Variants in CYB5R4 observed in about 807,000 individuals in gnomAD.
CYB5R4 encodes cytochrome b5 reductase 4.
Under a neutral mutation model 70.2 loss-of-function variants are expected in CYB5R4, and 55 were observed. The observed-to-expected ratio is 0.78, with a 90% CI of 0.63 to 0.98. CYB5R4 has a LOEUF of 0.98. CYB5R4 is among the 50% of genes least tolerant of loss of function. The pLI, the probability that CYB5R4 is intolerant of heterozygous loss-of-function variation, is 0.00. For synonymous variants in CYB5R4, 197 were observed against 199.5 expected (o/e 0.99, Z 0.11); for missense variants, 562 against 612.6 (o/e 0.92, Z 0.87).
intron 12 of CYB5R4, among the ~76,000 whole-genome samples, chr6:83,937,660 C>T (rs1338268591): frequency 1.3e-5 from 2 of 152,144 alleles, no homozygotes; most frequent in African/African-American, 4.8e-5. Context: ...GCTGGGATTA[C>T]AGGCACACAC....
intron 3 of CYB5R4, among the ~76,000 whole-genome samples, chr6:83,904,445 C>T (rs1177077281): frequency 6.6e-6 from 1 of 152,040 alleles, no homozygotes; most frequent in Non-Finnish European, 1.5e-5. Flanking sequence ...TGTTTTGTAG[C>T]CTAACATATG....
intron 2 of CYB5R4, among the ~76,000 whole-genome samples, chr6:83,872,835 G>C (rs2099457851): frequency 6.6e-6 from 1 of 152,196 alleles, no homozygotes; most frequent in Admixed American, 6.5e-5. Context: ...ACTGCATCCT[G>C]TAGCCTAGTG....
At chr6:83,874,893 GC>G (rs1473791182) in intron 2 of CYB5R4, among the ~76,000 whole-genome samples, 1 of 151,770 alleles carries the variant, frequency 6.6e-6, no homozygotes, top group Non-Finnish European at 1.5e-5. Context: ...CGCGATCTTG[GC>G]TCACTGCAAC....
At position 83,951,233 on chromosome 6, in the gene CYB5R4, A is replaced by G. The variant is rs571588166; in HGVS notation, c.1347-4065A>G. Among the ~76,000 whole-genome samples, 49 of 152,294 alleles carry G rather than the reference A, an allele frequency of 3.2e-4. 1 individual carries two copies. Among genetic ancestry groups the G allele is most frequent in the African/African-American group, 1.1e-3 (47 of 41,566 alleles). On this transcript the variant is annotated intron_variant, in intron 14 of 15. Transcript: ENST00000369681. ...TTGACATAGTGACTAGAAATTGTTC[A>G]ATACCTCTCTAACTATTCAGGATAA... is the stretch of plus-strand genomic sequence containing the variant.
At chr6:83,955,801 A>G (rs906731290) in intron 15 of CYB5R4, among the ~76,000 whole-genome samples, 1 of 152,160 alleles carries the variant, frequency 6.6e-6, no homozygotes, top group African/African-American at 2.4e-5. Flanking sequence ...AATATATAGT[A>G]ATTAATAAGG....
At chr6:83,913,222 A>G (rs551779899) in intron 4 of CYB5R4, among the ~76,000 whole-genome samples, 32 of 152,332 alleles carry the variant, frequency 2.1e-4, no homozygotes, top group African/African-American at 7.5e-4. Flanking sequence ...GACATCAGTG[A>G]TCCTTTGCAA....
chr6:83,903,876 G>A (rs1481085614), intron 3 of CYB5R4, among the ~76,000 whole-genome samples: 2 of 151,810 alleles, frequency 1.3e-5, no homozygotes, highest in Non-Finnish European at 2.9e-5. Context: ...TATTTCTTTG[G>A]TATCAGTTGT....
At chr6:83,892,169 C>T (rs941135758) in intron 2 of CYB5R4, among the ~76,000 whole-genome samples, 5 of 152,100 alleles carry the variant, frequency 3.3e-5, no homozygotes, top group African/African-American at 1.2e-4. Flanking sequence ...TTTGTTCAGA[C>T]TTATTTGGAA....
intron 2 of CYB5R4, among the ~76,000 whole-genome samples, chr6:83,892,698 G>A (rs984655681): frequency 2.6e-5 from 4 of 152,172 alleles, no homozygotes; most frequent in South Asian, 2.1e-4. Context: ...TTCACAGAGC[G>A]TGCCTAAGTG....
chr6:83,872,100 C>T (rs2099457733), intron 2 of CYB5R4, among the ~76,000 whole-genome samples: 1 of 152,114 alleles, frequency 6.6e-6, no homozygotes, highest in Admixed American at 6.5e-5. Context: ...TGCAGTAACT[C>T]TCATTATATT....
In CYB5R4 at chr6:83,859,700, C is replaced by A. The variant is rs1183466820; in HGVS notation, c.-83C>A. 6.7e-7 allele frequency: 1 copy of A among 1,498,080 alleles called. No individual in the cohort carries two copies. Among genetic ancestry groups the A allele is most frequent in the South Asian group, 1.2e-5 (1 of 85,974 alleles). The allele number at this position is 1,498,080 out of a possible 1,614,324, so 92.8% of individuals were successfully genotyped here. A position where few individuals can be genotyped will look rare whatever the true frequency, so the allele number is the denominator to read the frequency against. Reference sequence around the variant, plus strand: ...CGGAAGTGGGTCGGGGGCTTGGCCTCTGCCCGGCCACAGAGCCGGAGCTGG... The same window carrying A: ...CGGAAGTGGGTCGGGGGCTTGGCCTATGCCCGGCCACAGAGCCGGAGCTGG... On this transcript the variant is annotated 5_prime_UTR_variant, in exon 1 of 16. It adds an upstream start codon to the 5' untranslated region. Transcript: ENST00000369681.
intron 2 of CYB5R4, among the ~76,000 whole-genome samples, chr6:83,867,817 G>T (rs900617293): frequency 2.0e-5 from 3 of 152,176 alleles, no homozygotes; most frequent in African/African-American, 7.2e-5. Context: ...CTCGTGCTTG[G>T]CTCTGAGTCA....
At chr6:83,940,696 A>G (rs2099469612) in intron 14 of CYB5R4, 95 bp downstream of exon 14, 1 of 1,367,292 alleles carries the variant, frequency 7.3e-7, no homozygotes, top group Non-Finnish European at 9.7e-7. Flanking sequence ...ATTGTCCAGG[A>G]AGCTCCTTCA....
At chr6:83,925,644 A>G (rs1450268956) in intron 10 of CYB5R4, among the ~76,000 whole-genome samples, 1 of 152,204 alleles carries the variant, frequency 6.6e-6, no homozygotes, top group Non-Finnish European at 1.5e-5. Context: ...GTGCCAGAAC[A>G]TGGATGATTT....
chr6:83,955,210 TA>T (rs2099472154), intron 14 of CYB5R4, 87 bp from the exon 15 acceptor site: 1 of 1,091,182 alleles, frequency 9.2e-7, no homozygotes, highest in Non-Finnish European at 1.3e-6. Context: ...ATTGTTCCTT[TA>T]GGGGAGAAAT....
chr6:83,947,820 A>T (rs542031844), intron 14 of CYB5R4, among the ~76,000 whole-genome samples: 5 of 152,354 alleles, frequency 3.3e-5, no homozygotes, highest in African/African-American at 1.2e-4. Flanking sequence ...AACCACAATG[A>T]GATACCATCT....
At chr6:83,919,511 C>A in intron 7 of CYB5R4, 57 bp downstream of exon 7, 2 of 933,062 alleles carry the variant, frequency 2.1e-6, no homozygotes, top group Non-Finnish European at 3.2e-6. Context: ...ATTTATGTAC[C>A]AGGTCTTTTT....
intron 14 of CYB5R4, among the ~76,000 whole-genome samples, chr6:83,942,405 T>G (rs892470430): frequency 1.3e-5 from 2 of 152,208 alleles, no homozygotes; most frequent in Admixed American, 1.3e-4. Flanking sequence ...TGAGGGACTG[T>G]GCCATGAGTG....
At chr6:83,878,145 A>G (rs1213098138) in intron 2 of CYB5R4, among the ~76,000 whole-genome samples, 1 of 151,800 alleles carries the variant, frequency 6.6e-6, no homozygotes, top group Non-Finnish European at 1.5e-5. Context: ...TCAATTTGCT[A>G]TTTCCTTTAG....
Sources: allele counts gnomAD v4.1 joint callset (sites outside exome capture counted in the v4.1 genomes callset), GRCh38; gene constraint gnomAD v4.1.1; transcripts MANE v1.5; gene names NCBI Gene and HGNC (gene_info 2026-07-23, HGNC 2026-07-21).